Variants in UNC13C observed in about 807,000 individuals in gnomAD.
The protein encoded by UNC13C is unc-13 homolog C.
A neutral mutation model predicts 245.4 loss-of-function variants in UNC13C; 174 were observed. The observed-to-expected ratio is 0.71, with a 90% CI of 0.63 to 0.80. UNC13C has a LOEUF of 0.80. Among genes scored for constraint, UNC13C ranks in the 30% least tolerant of loss-of-function variants. The pLI is 0.00. For synonymous variants in UNC13C, 992 were observed against 895.1 expected, an observed-to-expected ratio of 1.11 and a Z score of -1.93; for missense variants, 2,829 against 2,602.9, an observed-to-expected ratio of 1.09 and a Z score of -1.89.
chr15:53,890,088 C>A, the UNC13C span, among the ~76,000 whole-genome samples: 1 of 150,074 alleles, frequency 6.7e-6, no homozygotes, highest in African/African-American at 2.4e-5. Flanking sequence ...AGGGAGGATT[C>A]TCTCTTTTTC....
At chr15:53,915,799 A>G in the UNC13C span, among the ~76,000 whole-genome samples, 1 of 152,314 alleles carries the variant, frequency 6.6e-6, no homozygotes, top group South Asian at 2.1e-4. Context: ...ATGACTCAAT[A>G]AGTGGAGAGA....
At chr15:54,353,486 A>T (rs1280128244) in intron 17 of UNC13C, among the ~76,000 whole-genome samples, 1 of 152,160 alleles carries the variant, frequency 6.6e-6, no homozygotes, top group African/African-American at 2.4e-5. Context: ...TTAAAATCCC[A>T]GTGTAGTAGT....
intron 4 of UNC13C, among the ~76,000 whole-genome samples, chr15:54,190,837 T>C (rs1040477406): frequency 2.0e-4 from 30 of 152,064 alleles, no homozygotes; most frequent in African/African-American, 6.5e-4. Flanking sequence ...AGTTCTATCA[T>C]TTTTGTTTGT....
At chr15:54,490,072 T>C (rs1490756635) in intron 19 of UNC13C, among the ~76,000 whole-genome samples, 1 of 152,026 alleles carries the variant, frequency 6.6e-6, no homozygotes, top group Non-Finnish European at 1.5e-5. Context: ...ATGAGAGAAA[T>C]ATAGCATAAA....
chr15:54,191,679 G>A (rs576824425), intron 4 of UNC13C, among the ~76,000 whole-genome samples: 1 of 152,144 alleles, frequency 6.6e-6, no homozygotes, highest in African/African-American at 2.4e-5. Flanking sequence ...CAGTGTAAAA[G>A]CGTTCCTATT....
chr15:53,915,568 G>T, the UNC13C span, among the ~76,000 whole-genome samples: 3 of 151,920 alleles, frequency 2.0e-5, no homozygotes, highest in Non-Finnish European at 2.9e-5. Context: ...AAGTCACAAA[G>T]GACTCAAAAC....
At chr15:53,975,471 A>G (rs1000690024), upstream of UNC13C, among the ~76,000 whole-genome samples, 30 of 152,202 alleles carry the variant, frequency 2.0e-4, 1 homozygote, top group Admixed American at 1.4e-3. Flanking sequence ...GTGAGGTTCA[A>G]TGGTTGGTTA....
the UNC13C span, among the ~76,000 whole-genome samples, chr15:53,938,781 G>T: frequency 6.6e-6 from 1 of 152,140 alleles, no homozygotes; most frequent in East Asian, 1.9e-4. Context: ...AATTAAGGCA[G>T]AAATCAAGAA....
intron 13 of UNC13C, 125 bp downstream of exon 13, chr15:54,300,498 T>C: frequency 1.1e-6 from 1 of 941,356 alleles, no homozygotes. Flanking sequence ...TCACTGTGCA[T>C]GTTTGATGCT....
At chr15:53,956,875 A>AGGGTGTGTGTGT in the UNC13C span, among the ~76,000 whole-genome samples, 2 of 139,700 alleles carry the variant, frequency 1.4e-5, no homozygotes, top group Non-Finnish European at 3.1e-5. Flanking sequence ...GTTAAGCTCA[A>AGGGTGTGTGTGT]GTGTGTGTGT....
chr15:53,959,516 T>TG, the UNC13C span, among the ~76,000 whole-genome samples: 1 of 152,200 alleles, frequency 6.6e-6, no homozygotes, highest in Non-Finnish European at 1.5e-5. Flanking sequence ...TCCTTGTTCA[T>TG]GCTCGTGTTG....
the UNC13C span, among the ~76,000 whole-genome samples, chr15:53,915,000 C>T: frequency 2.2e-4 from 33 of 152,044 alleles, no homozygotes; most frequent in Non-Finnish European, 3.7e-4. Flanking sequence ...AGAAGGGTGC[C>T]GGGGAATGTC....
At chr15:54,437,184 T>C (rs1890265603) in intron 19 of UNC13C, among the ~76,000 whole-genome samples, 1 of 151,936 alleles carries the variant, frequency 6.6e-6, no homozygotes, top group Non-Finnish European at 1.5e-5. Flanking sequence ...GCCTCAAATA[T>C]TTTTTGTGTG....
At chr15:53,926,357 A>C in the UNC13C span, among the ~76,000 whole-genome samples, 1 of 152,182 alleles carries the variant, frequency 6.6e-6, no homozygotes, top group Non-Finnish European at 1.5e-5. Flanking sequence ...TTGAAACCTC[A>C]GTTCTCTCAC....
At position 54,522,079 on chromosome 15, in the gene UNC13C, C is replaced by T. The variant is rs993746286; in HGVS notation, c.5458-3470C>T. On this transcript the variant is annotated intron_variant, in intron 24 of 32. Transcript: ENST00000260323. ...CTGCCTAGGGCTAGCTACACTTGAG[C>T]GAAAATTTGCAAAAGGAGATAAGTG... 2.6e-5 allele frequency among the ~76,000 whole-genome samples: 4 copies of T among 151,748 alleles called. No individual in the cohort carries two copies. The South Asian group carries it at 6.3e-4, about 24-fold the overall frequency.
At chr15:54,057,253 G>A (rs1271855938) in intron 2 of UNC13C, among the ~76,000 whole-genome samples, 4 of 151,468 alleles carry the variant, frequency 2.6e-5, no homozygotes, top group South Asian at 2.1e-4. Context: ...TCAAAATAAA[G>A]GGATGGAGGA....
At chr15:54,209,385 C>T (rs964831954) in intron 4 of UNC13C, among the ~76,000 whole-genome samples, 4 of 151,616 alleles carry the variant, frequency 2.6e-5, no homozygotes, top group African/African-American at 9.7e-5. Context: ...CCTGAACTGA[C>T]CCTTTACATT....
At chr15:54,410,447 C>G (rs72734710) in intron 18 of UNC13C, among the ~76,000 whole-genome samples, 6,733 of 151,718 alleles carry the variant, frequency 0.044, 197 homozygotes, top group Non-Finnish European at 0.066. Context: ...TTTGCCAAGG[C>G]CTATGTCCAG....
intron 13 of UNC13C, among the ~76,000 whole-genome samples, chr15:54,308,978 A>G (rs983889326): frequency 1.3e-5 from 2 of 151,822 alleles, no homozygotes; most frequent in South Asian, 2.1e-4. Flanking sequence ...GGGTGTGCGG[A>G]TATTTCTTGA....
Sources: gnomAD v4.1 joint callset for allele counts (sites outside exome capture counted in the v4.1 genomes callset) on GRCh38, gnomAD v4.1.1 for gene constraint, MANE v1.5 for transcripts, NCBI Gene and HGNC (gene_info 2026-07-23, HGNC 2026-07-21) for gene names.